PHF11: variants seen among roughly 807,000 people sequenced by gnomAD.
The protein encoded by PHF11 is BRCA1 C-terminus-associated protein.
PHF11 carries 38 observed loss-of-function variants against 40.5 expected under a neutral mutation model. The observed-to-expected ratio is 0.94, with a 90% CI of 0.72 to 1.23. The LOEUF (loss-of-function observed/expected upper bound fraction) is 1.23, where lower values mean the gene tolerates loss of function less well. Ranked by LOEUF, PHF11 falls within the 50% of genes most tolerant of loss-of-function variation. PHF11 has a pLI of 0.00. For synonymous variants in PHF11, 127 were observed against 138.2 expected (o/e 0.92, Z 0.57); for missense variants, 369 against 392.4 (o/e 0.94, Z 0.50).
At chr13:49,517,954 A>G in intron 3 of PHF11, 64 bp from the exon 4 acceptor site, 1 of 902,696 alleles carries the variant, frequency 1.1e-6, no homozygotes, top group Non-Finnish European at 1.7e-6. Context: ...ATTTAATGAT[A>G]TCTTTGAATT....
At chr13:49,496,116 CGG>C (rs1413167395) in intron 1 of PHF11, 21 bp downstream of exon 1, 2 of 218,840 alleles carry the variant, frequency 9.1e-6, no homozygotes, top group South Asian at 8.3e-5. Flanking sequence ...CGGGGGCGGG[CGG>C]GCGGGCGGGC....
intron 1 of PHF11, chr13:49,497,088 G>A: frequency 7.8e-7 from 1 of 1,282,398 alleles, no homozygotes. Context: ...AAAAGTTGAA[G>A]GGGTGTTCCC....
At chr13:49,523,628 G>GTT (rs1035326635) in intron 7 of PHF11, 3 of 246,878 alleles carry the variant, frequency 1.2e-5, no homozygotes, top group African/African-American at 2.3e-5. Context: ...GACAGGGGCT[G>GTT]TTATGTCAAA....
intron 8 of PHF11, chr13:49,525,934 C>T (rs1285759507): frequency 1.1e-5 from 4 of 366,322 alleles, no homozygotes; most frequent in South Asian, 4.1e-5. Flanking sequence ...TTTGGGAGCC[C>T]GAGGTGAGTG....
intron 4 of PHF11, among the ~76,000 whole-genome samples, chr13:49,519,423 GAACT>G (rs1273566692): frequency 2.0e-5 from 3 of 151,966 alleles, no homozygotes; most frequent in Non-Finnish European, 4.4e-5. Flanking sequence ...CCCATTAGAA[GAACT>G]AACAAATAGG....
At chr13:49,501,005 T>TTTTTTG (rs1566185295) in intron 1 of PHF11, among the ~76,000 whole-genome samples, 8 of 122,066 alleles carry the variant, frequency 6.6e-5, no homozygotes, top group African/African-American at 3.1e-4. Context: ...CTTTTGTTTT[T>TTTTTTG]TTTTTTTTTT....
chr13:49,519,052 G>A (rs545649988), intron 4 of PHF11, among the ~76,000 whole-genome samples: 3 of 151,930 alleles, frequency 2.0e-5, no homozygotes, highest in Non-Finnish European at 4.4e-5. Context: ...AGCCAGGATG[G>A]TCTCAATCTC....
chr13:49,496,238 C>G lies in PHF11; in HGVS notation c.94+143C>G, dbSNP rs946886788. The stretch of plus-strand genomic sequence containing the variant: ...CGGGGCCCTAGACGCCGGGGCGGCG[C>G]TGGACGAACTTGGCTCACCACTCGC... On this transcript the variant is annotated intron_variant, in intron 1 of 9. Coordinates refer to ENST00000378319, the MANE Select transcript of PHF11 (RefSeq NM_001040443.3). 1.1e-5 allele frequency: 7 copies of G among 650,182 alleles called. No individual in the cohort carries two copies. The East Asian group carries it at 1.9e-4, about 17-fold the overall frequency. 40.3% of individuals were successfully genotyped at this position (650,182 alleles called of 1,614,324 possible).
intron 1 of PHF11, among the ~76,000 whole-genome samples, chr13:49,496,811 G>C (rs1958818247): frequency 6.7e-6 from 1 of 148,718 alleles, no homozygotes; most frequent in Non-Finnish European, 1.5e-5. Context: ...TTTTTGAGGA[G>C]AGGATGGCTG....
intron 2 of PHF11, among the ~76,000 whole-genome samples, chr13:49,508,282 A>G (rs1431875509): frequency 1.4e-5 from 2 of 146,954 alleles, no homozygotes; most frequent in African/African-American, 4.9e-5. Context: ...TATATTAATT[A>G]TATATTATAT....
intron 3 of PHF11, among the ~76,000 whole-genome samples, chr13:49,516,088 G>T (rs990586702): frequency 1.3e-5 from 2 of 152,066 alleles, no homozygotes; most frequent in Non-Finnish European, 2.9e-5. Flanking sequence ...CTATTATTCA[G>T]ATCTCAGCTT....
chr13:49,512,828 G>A (rs1307804826), intron 2 of PHF11, among the ~76,000 whole-genome samples: 2 of 152,180 alleles, frequency 1.3e-5, no homozygotes, highest in African/African-American at 4.8e-5. Flanking sequence ...CCAGGTCAAT[G>A]AGTTATTAGA....
rs1959415825 is a variant in PHF11 at position 49,528,659 on chromosome 13, T to A, written c.990T>A (p.Ser330=). 1 of 1,594,962 alleles carries A rather than the reference T, an allele frequency of 6.3e-7. No individual in the cohort carries two copies. The change falls in exon 10 of 10, where the codon TCT becomes TCA. Residue 330 remains serine (S), a synonymous_variant. Coordinates refer to ENST00000378319, the MANE Select transcript of PHF11 (RefSeq NM_001040443.3). The part of the protein sequence containing the change: ...MSSSTSISSL[S]Y ...GTTCTACATCAATATCATCCCTGTC[T>A]TATTAGGGATTACCGTTTCCTAAGC...
intron 1 of PHF11, among the ~76,000 whole-genome samples, chr13:49,506,225 C>A (rs925723023): frequency 2.0e-5 from 3 of 150,370 alleles, no homozygotes; most frequent in African/African-American, 7.4e-5. Context: ...TAGCAAGACC[C>A]CGGTCTCTAA....
At chr13:49,499,033 G>C (rs547497927) in intron 1 of PHF11, among the ~76,000 whole-genome samples, 28 of 152,314 alleles carry the variant, frequency 1.8e-4, no homozygotes, top group African/African-American at 6.5e-4. Context: ...TACAGAAAGG[G>C]CTGAGGACTA....
intron 1 of PHF11, among the ~76,000 whole-genome samples, chr13:49,504,847 A>G (rs913117669): frequency 6.6e-6 from 1 of 150,720 alleles, no homozygotes. Flanking sequence ...GACATGGGAG[A>G]CTTTTCATTT....
At chr13:49,503,078 C>A (rs1441638286) in intron 1 of PHF11, among the ~76,000 whole-genome samples, 1 of 152,172 alleles carries the variant, frequency 6.6e-6, no homozygotes, top group African/African-American at 2.4e-5. Flanking sequence ...CTCAGACATC[C>A]TCCTTGGCAG....
At chr13:49,508,712 T>C (rs938868308) in intron 2 of PHF11, among the ~76,000 whole-genome samples, 2 of 152,164 alleles carry the variant, frequency 1.3e-5, no homozygotes, top group African/African-American at 4.8e-5. Flanking sequence ...TGGACAATCC[T>C]CATCTTTAAA....
chr13:49,524,290 GAA>G (rs79548641), intron 8 of PHF11, 74 bp downstream of exon 8: 86 of 804,190 alleles, frequency 1.1e-4, no homozygotes, highest in South Asian at 1.7e-4. Flanking sequence ...ACAAACCCAA[GAA>G]AAAAAAAAAG....
Sources: allele counts gnomAD v4.1 joint callset (sites outside exome capture counted in the v4.1 genomes callset), GRCh38; gene constraint gnomAD v4.1.1; transcripts MANE v1.5; gene names NCBI Gene and HGNC (gene_info 2026-07-23, HGNC 2026-07-21).